TBC1D5: variants seen among roughly 807,000 people sequenced by gnomAD.
The protein encoded by TBC1D5 is TBC1 domain family member 5.
A neutral mutation model predicts 100.3 loss-of-function variants in TBC1D5; 75 were observed. The observed-to-expected ratio is 0.75, with a 90% CI of 0.62 to 0.91. The LOEUF (loss-of-function observed/expected upper bound fraction) is 0.91. Ranked by LOEUF, TBC1D5 falls within the 40% of genes least tolerant of loss-of-function variation. TBC1D5 has a pLI of 0.00. For synonymous variants in TBC1D5, 323 were observed against 325.6 expected (o/e 0.99, Z 0.09); for missense variants, 910 against 942.4 (o/e 0.97, Z 0.45).
At chr3:17,519,092 T>C (rs534147110) in intron 2 of TBC1D5, 2 of 152,146 alleles carry the variant, frequency 1.3e-5, no homozygotes, top group South Asian at 4.2e-4. Flanking sequence ...AGAAAGAGCA[T>C]TCTTGGGGGA....
At chr3:17,418,959 G>A (rs2094147181) in intron 4 of TBC1D5, among the ~76,000 whole-genome samples, 2 of 152,162 alleles carry the variant, frequency 1.3e-5, no homozygotes, top group African/African-American at 4.8e-5. Context: ...ATACAGAGGG[G>A]CTGATTTTTC....
exon 22 of TBC1D5, chr3:17,157,857 A>AC (rs2065727144): frequency 1.3e-5 from 2 of 152,158 alleles, no homozygotes; most frequent in Admixed American, 1.3e-4. Flanking sequence ...CGGGCAACTA[A>AC]CCCCCAACTC....
chr3:17,647,425 G>A (rs1443609128), intron 1 of TBC1D5, among the ~76,000 whole-genome samples: 4 of 152,158 alleles, frequency 2.6e-5, no homozygotes, highest in South Asian at 4.1e-4. Context: ...GGAAGTTGGC[G>A]TAGGGAAAGG....
Position 17,687,550 on chromosome 3 carries a change from T to C in TBC1D5, c.-101+51793A>G, listed in dbSNP as rs1046599262. ...CAAATTTATTTCTCCCATGTAAATG[T>C]CCAGAAGAAGAAAATCACAGGCTGA... On this transcript the variant is annotated intron_variant, in intron 1 of 21. Coordinates refer to ENST00000253692, the Ensembl canonical transcript of TBC1D5. 1.8e-4 allele frequency among the ~76,000 whole-genome samples: 28 copies of C among 152,192 alleles called. No homozygotes were observed. The East Asian group carries it at 4.8e-3, about 26-fold the overall frequency.
chr3:17,591,734 G>C (rs2060241225), intron 2 of TBC1D5, among the ~76,000 whole-genome samples: 1 of 152,208 alleles, frequency 6.6e-6, no homozygotes. Context: ...CACATTGGCT[G>C]ACTGGTATAG....
chr3:17,276,258 A>G (rs2079998016), intron 15 of TBC1D5, among the ~76,000 whole-genome samples: 1 of 152,174 alleles, frequency 6.6e-6, no homozygotes, highest in Non-Finnish European at 1.5e-5. Flanking sequence ...AAAGGTACTA[A>G]TCCCAACTAT....
chr3:17,598,400 G>A (rs1368403209), intron 2 of TBC1D5, among the ~76,000 whole-genome samples: 1 of 152,104 alleles, frequency 6.6e-6, no homozygotes, highest in Non-Finnish European at 1.5e-5. Context: ...TAAATGGGCT[G>A]GAAACTTTAA....
At chr3:17,558,014 T>C (rs772769982) in intron 2 of TBC1D5, among the ~76,000 whole-genome samples, 47 of 152,210 alleles carry the variant, frequency 3.1e-4, no homozygotes, top group Non-Finnish European at 4.7e-4. Flanking sequence ...CCCATATGCA[T>C]GGTTTACAAC....
At chr3:17,552,103 T>C (rs1044336913) in intron 2 of TBC1D5, among the ~76,000 whole-genome samples, 29 of 151,844 alleles carry the variant, frequency 1.9e-4, no homozygotes, top group African/African-American at 6.5e-4. Context: ...CTCTAATATG[T>C]GAAAACTGTT....
chr3:17,230,642 G>A (rs966676483), intron 17 of TBC1D5, among the ~76,000 whole-genome samples: 4 of 151,760 alleles, frequency 2.6e-5, no homozygotes, highest in African/African-American at 4.8e-5. Context: ...ATATCTGTGC[G>A]TATGTATATG....
chr3:17,714,276 G>C (rs2075033121), intron 1 of TBC1D5, among the ~76,000 whole-genome samples: 2 of 152,198 alleles, frequency 1.3e-5, no homozygotes, highest in South Asian at 2.1e-4. Context: ...ATAGATGCCT[G>C]AGACAAAAGA....
chr3:17,498,355 C>A (rs965785775), intron 3 of TBC1D5, among the ~76,000 whole-genome samples: 3 of 152,042 alleles, frequency 2.0e-5, no homozygotes, highest in African/African-American at 7.2e-5. Flanking sequence ...TAATGGTGAA[C>A]TAATTTATTT....
intron 15 of TBC1D5, among the ~76,000 whole-genome samples, chr3:17,286,524 A>G (rs1396409187): frequency 6.6e-6 from 1 of 152,234 alleles, no homozygotes; most frequent in Non-Finnish European, 1.5e-5. Flanking sequence ...TAGTTCTAAT[A>G]TGATAAAGAC....
intron 16 of TBC1D5, among the ~76,000 whole-genome samples, chr3:17,245,155 T>G (rs919373915): frequency 1.3e-5 from 2 of 151,838 alleles, no homozygotes; most frequent in Non-Finnish European, 2.9e-5. Flanking sequence ...ATCACACCAG[T>G]GCGTTCCTGT....
At chr3:17,502,930 T>C (rs1257522594) in intron 3 of TBC1D5, among the ~76,000 whole-genome samples, 2 of 149,728 alleles carry the variant, frequency 1.3e-5, no homozygotes, top group Non-Finnish European at 2.9e-5. Flanking sequence ...TTTCCACTTC[T>C]ATTTCCATTG....
At chr3:17,512,077 T>G (rs1232416264) in intron 2 of TBC1D5, among the ~76,000 whole-genome samples, 1 of 152,054 alleles carries the variant, frequency 6.6e-6, no homozygotes, top group African/African-American at 2.4e-5. Flanking sequence ...CAACTTAAGT[T>G]TGTCGGTTAC....
In TBC1D5 at chr3:17,527,159, TAA is replaced by T. The variant is rs375357728; in HGVS notation, c.-35-18556_-35-18555del. Among the ~76,000 whole-genome samples the T allele has an allele frequency of 1.7e-3, 264 of 152,258 alleles. 2 individuals carry two copies. Among genetic ancestry groups the T allele is most frequent in the African/African-American group, 6.2e-3 (258 of 41,532 alleles). On this transcript the variant is annotated intron_variant, in intron 2 of 21. Coordinates refer to ENST00000253692, the Ensembl canonical transcript of TBC1D5. ...AACAACACATGATATGAAGAAAATG[TAA>T]AGAGGCCTAGGGATAGAGAAAGATG...
chr3:17,280,735 G>A (rs1415186752), intron 15 of TBC1D5, among the ~76,000 whole-genome samples: 4 of 152,024 alleles, frequency 2.6e-5, no homozygotes, highest in Admixed American at 2.0e-4. Context: ...TCAGCCGTGC[G>A]ACCTGATTTT....
chr3:17,401,436 GA>G (rs919605654), intron 8 of TBC1D5, among the ~76,000 whole-genome samples: 1 of 151,180 alleles, frequency 6.6e-6, no homozygotes, highest in Non-Finnish European at 1.5e-5. Context: ...ATTTTTGTAA[GA>G]AAAAAACAGA....
Sources: gnomAD v4.1 joint callset for allele counts (sites outside exome capture counted in the v4.1 genomes callset) on GRCh38, gnomAD v4.1.1 for gene constraint, MANE v1.5 for transcripts, NCBI Gene and HGNC (gene_info 2026-07-23, HGNC 2026-07-21) for gene names.